FAM193A: variants seen among roughly 807,000 people sequenced by gnomAD.
The protein encoded by FAM193A is family with sequence similarity 193 member A.
In FAM193A, 22 loss-of-function variants were observed where a neutral mutation model predicts 126.5. That is an observed-to-expected ratio of 0.17 (90% confidence interval 0.12 to 0.25). The LOEUF is 0.25. FAM193A is among the 10% of genes least tolerant of loss of function. FAM193A has a pLI of 1.00. For synonymous variants in FAM193A, 761 were observed against 646.8 expected (o/e 1.18, Z -2.68); for missense variants, 1,675 against 1,672.8 (o/e 1.00, Z -0.02).
chr4:2,657,501 C>T (rs1711853957), intron 7 of FAM193A, among the ~76,000 whole-genome samples: 1 of 152,184 alleles, frequency 6.6e-6, no homozygotes, highest in Admixed American at 6.5e-5. Flanking sequence ...ACATAATGGG[C>T]ATTCAGTAAA....
intron 13 of FAM193A, among the ~76,000 whole-genome samples, chr4:2,676,372 G>T (rs182873958): frequency 6.6e-6 from 1 of 152,286 alleles, no homozygotes. Context: ...TTGTGTAAAT[G>T]ACCACAGATA....
chr4:2,724,810 G>T (rs1431295101), intron 20 of FAM193A, among the ~76,000 whole-genome samples: 2 of 152,222 alleles, frequency 1.3e-5, no homozygotes, highest in East Asian at 3.9e-4. Flanking sequence ...GGCTGAGAAA[G>T]TGCATATCGT....
chr4:2,686,330 G>T (rs1230104514), intron 13 of FAM193A, among the ~76,000 whole-genome samples: 1 of 152,136 alleles, frequency 6.6e-6, no homozygotes, highest in Non-Finnish European at 1.5e-5. Context: ...CTCTAAGCTA[G>T]ACACTGTTCA....
In FAM193A at chr4:2,663,253, G is replaced by C. The variant is rs781214455; in HGVS notation, c.2044G>C (p.Ala682Pro). The C allele has an allele frequency of 1.1e-5, 18 of 1,612,016 alleles. No homozygotes were observed. The highest frequency in any genetic ancestry group is 1.5e-5 in the Non-Finnish European group (18 of 1,179,430). ...SRSPRTEESKADSPPPSYPTQ... is the reference protein window; with the variant it reads ...SRSPRTEESKPDSPPPSYPTQ... ...GAGCCCCAGGACAGAGGAGAGCAAA[G>C]CAGACAGTCCACCCCCATCCTACCC... The change falls in exon 12 of 21, where the codon GCA (alanine) becomes CCA (proline). Residue 682 changes from alanine to proline, a missense_variant. Coordinates refer to ENST00000637812, the MANE Select transcript of FAM193A (RefSeq NM_001366318.2).
At chr4:2,627,955 GA>G (rs1743144707) in intron 4 of FAM193A, among the ~76,000 whole-genome samples, 1 of 152,010 alleles carries the variant, frequency 6.6e-6, no homozygotes, top group African/African-American at 2.4e-5. Flanking sequence ...TGTTAGCCAG[GA>G]TGGTCTTGAT....
At position 2,694,917 on chromosome 4, in the gene FAM193A, T is replaced by G. The variant is rs113048829; in HGVS notation, c.3093-29T>G. 1.2e-4 allele frequency: 189 copies of G among 1,558,222 alleles called. 1 individual carries two copies. The highest frequency in any genetic ancestry group is 7.4e-4 in the Admixed American group (36 of 48,560). ...GTCATTGCCTCCCGGGCCGGCCACT[T>G]GCTGATGAGCTTGTATGCGGTTTTG... On this transcript the variant is annotated intron_variant, in intron 16 of 20. Transcript: ENST00000637812.
intron 19 of FAM193A, among the ~76,000 whole-genome samples, chr4:2,701,017 T>C (rs1334676494): frequency 6.6e-6 from 1 of 151,964 alleles, no homozygotes; most frequent in Non-Finnish European, 1.5e-5. Context: ...TCCCCAACTT[T>C]AGTTCCCCAA....
rs994785143 is a variant in FAM193A at position 2,669,425 on chromosome 4, G to C, written c.2080-2696G>C. 3.5e-4 allele frequency among the ~76,000 whole-genome samples: 53 copies of C among 151,988 alleles called. 2 individuals are homozygous for C. The highest frequency in any genetic ancestry group is 2.1e-4 in the South Asian group (1 of 4,800). On this transcript the variant is annotated intron_variant, in intron 12 of 20. Transcript: ENST00000637812. ...GGAGTTCGAGACCAGCCTAGCCAAC[G>C]TGGTGAAACCCCATCTCTTCTAAAA...
At chr4:2,709,705 AAAAAC>A (rs369948533) in intron 19 of FAM193A, among the ~76,000 whole-genome samples, 2,462 of 152,048 alleles carry the variant, frequency 0.016, 20 homozygotes, top group South Asian at 0.026. Flanking sequence ...ACTCCACCTC[AAAAAC>A]AAAACAAAAC....
At chr4:2,661,792 G>A (rs992078963) in intron 10 of FAM193A, among the ~76,000 whole-genome samples, 2 of 152,170 alleles carry the variant, frequency 1.3e-5, no homozygotes, top group Non-Finnish European at 2.9e-5. Context: ...GGACCTTGGA[G>A]CATCTTATTG....
At chr4:2,646,162 T>C (rs1426435282) in intron 6 of FAM193A, among the ~76,000 whole-genome samples, 3 of 9,680 alleles carry the variant, frequency 3.1e-4, no homozygotes, top group Non-Finnish European at 4.5e-4. Context: ...GCATCTCCTT[T>C]TTTTTTTTTT....
At chr4:2,680,664 C>T (rs1369720442) in intron 13 of FAM193A, among the ~76,000 whole-genome samples, 1 of 150,160 alleles carries the variant, frequency 6.7e-6, no homozygotes, top group African/African-American at 2.5e-5. Context: ...TTTTTTGAGA[C>T]GGAGTCTTGC....
chr4:2,554,996 A>G (rs984711161), intron 1 of FAM193A, among the ~76,000 whole-genome samples: 15 of 152,140 alleles, frequency 9.9e-5, no homozygotes, highest in African/African-American at 3.6e-4. Context: ...CTGCCTGATT[A>G]TTCTTCATTA....
chr4:2,647,611 T>G (rs1031528724), intron 7 of FAM193A, among the ~76,000 whole-genome samples: 1 of 152,078 alleles, frequency 6.6e-6, no homozygotes, highest in Non-Finnish European at 1.5e-5. Context: ...TGGAGGTGGA[T>G]CTGAAGGGAG....
At chr4:2,645,548 G>C (rs114945476) in intron 6 of FAM193A, among the ~76,000 whole-genome samples, 4,706 of 150,848 alleles carry the variant, frequency 0.031, 225 homozygotes, top group African/African-American at 0.11. Flanking sequence ...TTTTATTGAG[G>C]CATAGTTTCA....
intron 12 of FAM193A, among the ~76,000 whole-genome samples, chr4:2,663,653 A>G (rs1712751299): frequency 6.6e-6 from 1 of 152,102 alleles, no homozygotes; most frequent in East Asian, 1.9e-4. Flanking sequence ...TTTTTCTCAG[A>G]ATTTCATAAA....
intron 13 of FAM193A, among the ~76,000 whole-genome samples, chr4:2,680,648 A>T (rs115696501): frequency 0.031 from 4,620 of 150,452 alleles, 252 homozygotes; most frequent in African/African-American, 0.1. Flanking sequence ...ATACTTACTT[A>T]CTTTTTTTTT....
intron 8 of FAM193A, among the ~76,000 whole-genome samples, chr4:2,658,873 C>T (rs573491848): frequency 3.3e-5 from 5 of 152,194 alleles, no homozygotes; most frequent in Non-Finnish European, 7.4e-5. Flanking sequence ...GTCTCAGCCT[C>T]CTGAGTAGCT....
At chr4:2,600,272 C>T (rs1299672897) in intron 2 of FAM193A, among the ~76,000 whole-genome samples, 5 of 152,188 alleles carry the variant, frequency 3.3e-5, no homozygotes, top group African/African-American at 7.2e-5. Context: ...CACGTCTCCC[C>T]GACCTCACTC....
Sources: gnomAD v4.1 joint callset for allele counts (sites outside exome capture counted in the v4.1 genomes callset) on GRCh38, gnomAD v4.1.1 for gene constraint, MANE v1.5 for transcripts, NCBI Gene and HGNC (gene_info 2026-07-23, HGNC 2026-07-21) for gene names.